SAMMSON: variants seen among roughly 807,000 people sequenced by gnomAD.
The protein encoded by SAMMSON is survival associated mitochondrial melanoma specific oncogenic non-coding RNA, also known as long intergenic non-protein coding RNA 1212.
intron 7 of SAMMSON, among the ~76,000 whole-genome samples, chr3:70,334,797 C>T (rs1057179203): frequency 6.6e-6 from 1 of 152,068 alleles, no homozygotes; most frequent in Admixed American, 6.6e-5. Flanking sequence ...GATGTTTAAA[C>T]CTTAACTACT....
At chr3:70,242,593 G>A (rs1339877839) in intron 4 of SAMMSON, among the ~76,000 whole-genome samples, 3 of 152,092 alleles carry the variant, frequency 2.0e-5, no homozygotes, top group Non-Finnish European at 4.4e-5. Context: ...GAAATTCATT[G>A]TGCCCATTAT....
intron 7 of SAMMSON, among the ~76,000 whole-genome samples, chr3:70,333,092 G>A (rs948936563): frequency 6.6e-6 from 1 of 152,016 alleles, no homozygotes; most frequent in African/African-American, 2.4e-5. Context: ...TGTCTTTTTA[G>A]AATTTTTTTT....
rs1334733164 is a variant in SAMMSON at position 70,401,154 on chromosome 3, T to C, written n.233+42830T>C. The stretch of plus-strand genomic sequence containing the variant: ...TTGCACTAGTAATTTATATAATAGA[T>C]ATTTTGTTTTTTCTCATGGACAAAG... On this transcript the variant is annotated intron_variant and non_coding_transcript_variant, in intron 2 of 3. Transcript: ENST00000641053. Among the ~76,000 whole-genome samples, 6 of 152,198 alleles carry C rather than the reference T, an allele frequency of 3.9e-5. No individual in the cohort carries two copies. In the East Asian group the frequency reaches 7.7e-4, roughly 19 times the overall value.
At chr3:70,349,604 T>C (rs1702776392) in intron 7 of SAMMSON, among the ~76,000 whole-genome samples, 1 of 152,204 alleles carries the variant, frequency 6.6e-6, no homozygotes, top group Non-Finnish European at 1.5e-5. Context: ...TTCTATGTGG[T>C]CATTAAATGC....
intron 4 of SAMMSON, among the ~76,000 whole-genome samples, chr3:70,129,574 C>G (rs1369810450): frequency 6.6e-6 from 1 of 152,036 alleles, no homozygotes; most frequent in Non-Finnish European, 1.5e-5. Flanking sequence ...TCTTGATGAC[C>G]CAGCTGGTAG....
At chr3:70,108,423 C>CTTTTTTTTTGTTTTTTTTTT (rs2067375656) in intron 4 of SAMMSON, among the ~76,000 whole-genome samples, 1 of 89,376 alleles carries the variant, frequency 1.1e-5, no homozygotes, top group Non-Finnish European at 2.2e-5. Flanking sequence ...CTTGCGGTTC[C>CTTTTTTTTTGTTTTTTTTTT]TTTTTTTTTT....
chr3:70,305,596 G>C (rs550610849), intron 7 of SAMMSON, among the ~76,000 whole-genome samples: 1 of 152,224 alleles, frequency 6.6e-6, no homozygotes, highest in Admixed American at 6.5e-5. Flanking sequence ...TGGCATCTTT[G>C]TTTCTTTGTC....
At chr3:70,196,090 A>T (rs1263928047) in intron 4 of SAMMSON, among the ~76,000 whole-genome samples, 2 of 152,218 alleles carry the variant, frequency 1.3e-5, no homozygotes, top group East Asian at 3.8e-4. Flanking sequence ...ATCTGTTTTA[A>T]TATCCTGTTG....
intron 4 of SAMMSON, among the ~76,000 whole-genome samples, chr3:70,165,672 ACT>A (rs1333866987): frequency 6.6e-6 from 1 of 151,918 alleles, no homozygotes. Flanking sequence ...ATTCCTGAAC[ACT>A]CTGTCATGGC....
intron 1 of SAMMSON, among the ~76,000 whole-genome samples, chr3:70,011,302 A>G (rs1490249839): frequency 2.0e-5 from 3 of 152,060 alleles, no homozygotes; most frequent in South Asian, 2.1e-4. Flanking sequence ...GAGCAATACA[A>G]TTTTCCTTAG....
At chr3:70,122,084 TTAA>T (rs1287774182) in intron 4 of SAMMSON, among the ~76,000 whole-genome samples, 1 of 152,200 alleles carries the variant, frequency 6.6e-6, no homozygotes, top group Non-Finnish European at 1.5e-5. Flanking sequence ...TACTTTGGAA[TTAA>T]TAATAAGAGG....
At chr3:70,405,465 T>C (rs1294360423) in intron 2 of SAMMSON, among the ~76,000 whole-genome samples, 1 of 152,080 alleles carries the variant, frequency 6.6e-6, no homozygotes, top group Non-Finnish European at 1.5e-5. Context: ...TTAAATGACT[T>C]AAAGGAAACT....
At position 70,115,402 on chromosome 3, in the gene SAMMSON, A is replaced by T. The variant is rs185791105; in HGVS notation, n.507+43837A>T. On this transcript the variant is annotated intron_variant and non_coding_transcript_variant, in intron 4 of 9. Transcript: ENST00000642114. ...TTTTCAAAAAGGATTCTAAAACAAA[A>T]GTTACCTCTTCAAAGATGTTTCATG... Among the ~76,000 whole-genome samples, 53 of 152,184 alleles carry T rather than the reference A, an allele frequency of 3.5e-4. 1 individual carries two copies. In the East Asian group the frequency reaches 0.01, roughly 29 times the overall value.
rs930347814 is a variant in SAMMSON at position 70,079,598 on chromosome 3, T to C, written n.507+8033T>C. Among the ~76,000 whole-genome samples, 5 of 152,222 alleles carry C rather than the reference T, an allele frequency of 3.3e-5. No individual in the cohort carries two copies. In the South Asian group the frequency reaches 1.0e-3, roughly 31 times the overall value. On this transcript the variant is annotated intron_variant and non_coding_transcript_variant, in intron 4 of 9. Coordinates refer to ENST00000642114, the Ensembl canonical transcript of SAMMSON. The stretch of plus-strand genomic sequence containing the variant: ...CAGCACTTTTCTATAAAATAGGCTT[T>C]GCGTTAGATAATTTTGCCCAAATAT...
At chr3:70,340,959 T>C (rs993416365) in intron 7 of SAMMSON, among the ~76,000 whole-genome samples, 4 of 152,176 alleles carry the variant, frequency 2.6e-5, no homozygotes, top group African/African-American at 9.6e-5. Flanking sequence ...TAAGCCTTTC[T>C]GAGTCTGTTC....
intron 3 of SAMMSON, among the ~76,000 whole-genome samples, chr3:70,020,588 C>T (rs982981449): frequency 2.6e-5 from 4 of 152,074 alleles, no homozygotes; most frequent in Admixed American, 6.6e-5. Flanking sequence ...GATGGCAGAG[C>T]CTGCAAACTC....
intron 4 of SAMMSON, chr3:70,120,480 C>T (rs2067428278): frequency 6.6e-6 from 1 of 152,164 alleles, no homozygotes. Context: ...GGTTTCTTCT[C>T]GCCATACCAT....
At chr3:70,048,514 T>A (rs2067135157) in intron 3 of SAMMSON, among the ~76,000 whole-genome samples, 1 of 152,106 alleles carries the variant, frequency 6.6e-6, no homozygotes, top group African/African-American at 2.4e-5. Flanking sequence ...TTGACTCTAT[T>A]TTTGATGAGG....
chr3:70,369,711 T>C (rs1225391730), intron 9 of SAMMSON, among the ~76,000 whole-genome samples: 2 of 151,784 alleles, frequency 1.3e-5, no homozygotes, highest in African/African-American at 2.4e-5. Context: ...TACATACTTA[T>C]GGGGTACATG....
Sources: allele counts gnomAD v4.1 joint callset (sites outside exome capture counted in the v4.1 genomes callset), GRCh38; gene constraint gnomAD v4.1.1; transcripts MANE v1.5; gene names NCBI Gene and HGNC (gene_info 2026-07-23, HGNC 2026-07-21).